DCDC1: variants seen among roughly 807,000 people sequenced by gnomAD.
The protein encoded by DCDC1 is doublecortin domain containing 1.
A neutral mutation model predicts 178.3 loss-of-function variants in DCDC1; 200 were observed. The observed-to-expected ratio is 1.12, with a 90% CI of 1.00 to 1.26. The LOEUF (loss-of-function observed/expected upper bound fraction) is 1.26, where lower values mean the gene tolerates loss of function less well. Ranked by LOEUF, DCDC1 falls within the 50% of genes most tolerant of loss-of-function variation. DCDC1 has a pLI of 0.00. For missense variants in DCDC1, 1,983 were observed against 1,749.2 expected (o/e 1.13, Z -2.38); for synonymous variants, 690 against 604.8 (o/e 1.14, Z -2.07).
intron 7 of DCDC1, among the ~76,000 whole-genome samples, chr11:31,271,400 CGTAA>C (rs1042434518): frequency 6.6e-6 from 1 of 152,100 alleles, no homozygotes; most frequent in African/African-American, 2.4e-5. Context: ...GATATTGAAA[CGTAA>C]GTCTTTTCTA....
intron 9 of DCDC1, among the ~76,000 whole-genome samples, chr11:31,146,957 G>A (rs1465562464): frequency 6.6e-6 from 1 of 152,070 alleles, no homozygotes; most frequent in Admixed American, 6.6e-5. Flanking sequence ...GTGTCGAGGT[G>A]GCTGTATCCT....
chr11:31,359,628 T>C (rs574493455), intron 1 of DCDC1, among the ~76,000 whole-genome samples: 76 of 152,106 alleles, frequency 5.0e-4, no homozygotes, highest in African/African-American at 1.8e-3. Flanking sequence ...TCAGGAAACA[T>C]GGAAGTAGTG....
intron 8 of DCDC1, among the ~76,000 whole-genome samples, chr11:31,255,831 G>C (rs1484403083): frequency 2.6e-5 from 4 of 152,086 alleles, no homozygotes; most frequent in Non-Finnish European, 1.5e-5. Context: ...ATTTAATGAA[G>C]TCCAATTTAG....
At chr11:30,915,819 A>T in intron 26 of DCDC1, 108 bp from the exon 27 acceptor site, 1 of 1,069,920 alleles carries the variant, frequency 9.3e-7, no homozygotes, top group Non-Finnish European at 1.4e-6. Context: ...TCCAACGTGA[A>T]ACACGTTAAC....
intron 8 of DCDC1, among the ~76,000 whole-genome samples, chr11:31,264,034 C>T: frequency 6.6e-6 from 1 of 152,090 alleles, no homozygotes; most frequent in Non-Finnish European, 1.5e-5. Context: ...CATTTCATAA[C>T]TTTTTTCTTG....
At chr11:31,034,609 T>C (rs1160658352) in intron 20 of DCDC1, among the ~76,000 whole-genome samples, 4 of 152,246 alleles carry the variant, frequency 2.6e-5, no homozygotes, top group Non-Finnish European at 5.9e-5. Context: ...TATATTAACA[T>C]GCTGTATAGG....
At chr11:31,182,785 A>C (rs886749767) in intron 9 of DCDC1, among the ~76,000 whole-genome samples, 4 of 152,202 alleles carry the variant, frequency 2.6e-5, no homozygotes, top group Non-Finnish European at 5.9e-5. Flanking sequence ...TAAATGCCAC[A>C]AATAAAAGAC....
intron 24 of DCDC1, among the ~76,000 whole-genome samples, chr11:30,921,995 G>C (rs1303850399): frequency 6.6e-6 from 1 of 152,170 alleles, no homozygotes; most frequent in East Asian, 1.9e-4. Context: ...GAAGCAGAGA[G>C]AAGGCTGAAT....
At chr11:30,937,438 T>C (rs1484379374) in intron 21 of DCDC1, among the ~76,000 whole-genome samples, 1 of 152,170 alleles carries the variant, frequency 6.6e-6, no homozygotes, top group East Asian at 1.9e-4. Context: ...TCACCTTTTC[T>C]TCCATCCAGG....
intron 6 of DCDC1, among the ~76,000 whole-genome samples, chr11:31,295,924 T>C (rs1221091348): frequency 6.6e-6 from 1 of 152,194 alleles, no homozygotes; most frequent in Non-Finnish European, 1.5e-5. Context: ...CTCTGCCTCC[T>C]AAAATCTGCA....
At chr11:31,024,657 G>A (rs1017617831) in intron 20 of DCDC1, among the ~76,000 whole-genome samples, 2 of 151,828 alleles carry the variant, frequency 1.3e-5, no homozygotes, top group African/African-American at 4.8e-5. Flanking sequence ...AGTGTGGCAT[G>A]TTTTCATTCT....
Position 30,925,424 on chromosome 11 carries a change from C to A in DCDC1, c.2898-16G>T. 1 of 1,608,922 alleles carries A rather than the reference C, an allele frequency of 6.2e-7. No homozygotes were observed. The highest frequency in any genetic ancestry group is 1.1e-5 in the South Asian group (1 of 90,554). ...CTCAGTGCACCTGTAATAAAAGACA[C>A]AAAAATTGACCTTGCATACAGAAAG... is the stretch of plus-strand genomic sequence containing the variant. On this transcript the variant is annotated splice_polypyrimidine_tract_variant and intron_variant, in intron 22 of 38. Transcript: ENST00000684477.
At chr11:30,969,427 G>A (rs959960461) in intron 20 of DCDC1, among the ~76,000 whole-genome samples, 1 of 152,150 alleles carries the variant, frequency 6.6e-6, no homozygotes, top group African/African-American at 2.4e-5. Flanking sequence ...GGAATGTATT[G>A]TTCCCTATAA....
chr11:30,867,527 C>A (rs1417009985), intron 38 of DCDC1, among the ~76,000 whole-genome samples: 1 of 152,182 alleles, frequency 6.6e-6, no homozygotes, highest in Non-Finnish European at 1.5e-5. Context: ...TGTTGATGAT[C>A]TCATTTGAGT....
At chr11:31,007,083 T>C (rs571526528) in intron 20 of DCDC1, among the ~76,000 whole-genome samples, 1 of 152,236 alleles carries the variant, frequency 6.6e-6, no homozygotes, top group South Asian at 2.1e-4. Flanking sequence ...AAGGCTGGAG[T>C]CCATAATATT....
At chr11:31,172,664 A>C (rs939267390) in intron 9 of DCDC1, among the ~76,000 whole-genome samples, 4 of 152,194 alleles carry the variant, frequency 2.6e-5, no homozygotes, top group African/African-American at 9.6e-5. Flanking sequence ...GTATTCTTAC[A>C]ATAACATAAG....
chr11:31,137,355 G>GTT lies in DCDC1; in HGVS notation c.1314+335_1314+336dup, dbSNP rs35286625. Among the ~76,000 whole-genome samples the GTT allele has an allele frequency of 2.7e-3, 373 of 138,510 alleles. 2 individuals carry two copies. The highest frequency in any genetic ancestry group is 0.012 in the South Asian group (51 of 4,346). The allele number at this position is 138,510 out of a possible 152,430, so 90.9% of individuals were successfully genotyped here. A position where few individuals can be genotyped will look rare whatever the true frequency, so the allele number is the denominator to read the frequency against. ...ATTTTAAAATTAGTGTTCATTGCAG[G>GTT]TTTTTTTTTTTTTTTTTACGGAGTC... On this transcript the variant is annotated intron_variant, in intron 10 of 38. Coordinates refer to ENST00000684477, the MANE Select transcript of DCDC1 (RefSeq NM_001387274.1).
chr11:31,285,851 G>T (rs1283237064), intron 7 of DCDC1, among the ~76,000 whole-genome samples: 1 of 151,936 alleles, frequency 6.6e-6, no homozygotes, highest in Non-Finnish European at 1.5e-5. Flanking sequence ...AGCCAGACTT[G>T]CTACACATAA....
chr11:31,018,166 C>T (rs1160698015), intron 20 of DCDC1, among the ~76,000 whole-genome samples: 1 of 151,926 alleles, frequency 6.6e-6, no homozygotes, highest in African/African-American at 2.4e-5. Context: ...TCAAGCTCAC[C>T]ACCAATTATG....
Sources: allele counts gnomAD v4.1 joint callset (sites outside exome capture counted in the v4.1 genomes callset), GRCh38; gene constraint gnomAD v4.1.1; transcripts MANE v1.5; gene names NCBI Gene and HGNC (gene_info 2026-07-23, HGNC 2026-07-21).